Variants in DISC1 observed in about 807,000 individuals in gnomAD.
The protein encoded by DISC1 is disrupted in schizophrenia 1 protein.
DISC1 carries 57 observed loss-of-function variants against 84.5 expected under a neutral mutation model. The observed-to-expected ratio is 0.67, with a 90% confidence interval of 0.55 to 0.84. The LOEUF is 0.84. Ranked by LOEUF, DISC1 falls within the 40% of genes least tolerant of loss-of-function variation. The pLI is 0.00. For missense variants in DISC1, 1,000 were observed against 1,057.8 expected, an observed-to-expected ratio of 0.95 and a Z score of 0.76; for synonymous variants, 411 against 415.2, an observed-to-expected ratio of 0.99 and a Z score of 0.12.
intron 10 of DISC1, among the ~76,000 whole-genome samples, chr1:231,973,260 C>A (rs1472609833): frequency 6.6e-6 from 1 of 152,142 alleles, no homozygotes; most frequent in African/African-American, 2.4e-5. Context: ...ATTGGCCAGG[C>A]TGGTCTCGAA....
chr1:231,911,898 C>A (rs912013894), intron 9 of DISC1, among the ~76,000 whole-genome samples: 1 of 152,168 alleles, frequency 6.6e-6, no homozygotes, highest in Admixed American at 6.5e-5. Context: ...CTCTAAACTT[C>A]TCTTATCGCT....
chr1:231,734,503 GCA>G (rs1283118289), intron 3 of DISC1, among the ~76,000 whole-genome samples: 30 of 150,576 alleles, frequency 2.0e-4, no homozygotes, highest in East Asian at 2.0e-3. Flanking sequence ...TCTCTCTCAC[GCA>G]CACACACACA....
Position 231,822,163 on chromosome 1 carries a change from A to G in DISC1, c.1981+3646A>G, listed in dbSNP as rs1369378643. ...AAACCGACGTCAAGGGGAGAGATTT[A>G]ATCACAGAATAATCAGGACTAGAAT... On this transcript the variant is annotated intron_variant, in intron 9 of 12. Coordinates refer to ENST00000439617, the MANE Select transcript of DISC1 (RefSeq NM_018662.3). Among the ~76,000 whole-genome samples the G allele has an allele frequency of 3.3e-5, 5 of 152,286 alleles. No individual in the cohort carries two copies. The Middle Eastern group carries it at 0.014, about 417-fold the overall frequency.
At chr1:231,668,931 T>C (rs1393722400) in intron 1 of DISC1, among the ~76,000 whole-genome samples, 1 of 152,200 alleles carries the variant, frequency 6.6e-6, no homozygotes, top group African/African-American at 2.4e-5. Context: ...TCAGTGCTCA[T>C]GTGTCCTTTC....
chr1:231,965,075 A>G (rs1458708352), intron 10 of DISC1, among the ~76,000 whole-genome samples: 4 of 152,258 alleles, frequency 2.6e-5, no homozygotes, highest in Non-Finnish European at 5.9e-5. Flanking sequence ...ATATTGAGGC[A>G]AACTCAGGTG....
chr1:231,755,319 G>C (rs1349564482), intron 4 of DISC1, among the ~76,000 whole-genome samples: 1 of 151,938 alleles, frequency 6.6e-6, no homozygotes, highest in Admixed American at 6.6e-5. Flanking sequence ...GGGATTACAG[G>C]CATGAGCCAC....
chr1:231,632,263 G>A (rs1053230586), intron 1 of DISC1, among the ~76,000 whole-genome samples: 1 of 152,178 alleles, frequency 6.6e-6, no homozygotes, highest in Admixed American at 6.5e-5. Context: ...AATAAGTGAT[G>A]CATGACTGTG....
rs898038115 is a variant in DISC1 at position 232,017,596 on chromosome 1, C to T, written c.2307+8547C>T. ...TAGGTATTGCTGATGCCTTATTACA[C>T]AGCCGAAGGAAATAAGGATCTGGGT... On this transcript the variant is annotated intron_variant, in intron 11 of 12. Transcript: ENST00000439617. Among the ~76,000 whole-genome samples the T allele has an allele frequency of 5.3e-5, 8 of 150,890 alleles. 1 individual carries two copies. The highest frequency in any genetic ancestry group is 1.9e-4 in the African/African-American group (8 of 41,072).
At chr1:231,903,646 A>T (rs1231429170) in intron 9 of DISC1, among the ~76,000 whole-genome samples, 1 of 152,068 alleles carries the variant, frequency 6.6e-6, no homozygotes, top group Non-Finnish European at 1.5e-5. Context: ...GTGTGGATTT[A>T]TGGGGAGGGA....
At chr1:231,894,931 A>C (rs532603007) in intron 9 of DISC1, among the ~76,000 whole-genome samples, 1 of 151,852 alleles carries the variant, frequency 6.6e-6, no homozygotes, top group South Asian at 2.1e-4. Flanking sequence ...ACACACACAC[A>C]CCCACACACA....
rs1036128283 is a variant in DISC1, at chr1:231,755,840, C to T, written c.1268+5764C>T. Among the ~76,000 whole-genome samples, 15 of 152,302 alleles carry T rather than the reference C, an allele frequency of 9.8e-5. No individual in the cohort carries two copies. The East Asian group carries it at 1.5e-3, about 16-fold the overall frequency. Reference sequence around the variant, plus strand: ...TTTCCACTCACTTGTCTCACCTGCACGTCAGTGCCTTAGTTCTGGTCTTTA... The same window carrying T: ...TTTCCACTCACTTGTCTCACCTGCATGTCAGTGCCTTAGTTCTGGTCTTTA... On this transcript the variant is annotated intron_variant, in intron 4 of 12. Transcript: ENST00000439617.
chr1:231,664,194 C>T (rs1239580169), intron 1 of DISC1, among the ~76,000 whole-genome samples: 1 of 152,088 alleles, frequency 6.6e-6, no homozygotes, highest in African/African-American at 2.4e-5. Context: ...GCCAAAATTA[C>T]CCAACTCACA....
chr1:231,752,604 ACC>A (rs2074732931), intron 4 of DISC1, among the ~76,000 whole-genome samples: 1 of 152,138 alleles, frequency 6.6e-6, no homozygotes, highest in African/African-American at 2.4e-5. Flanking sequence ...ATATCATTCC[ACC>A]CATGTTCTCC....
At chr1:232,024,935 A>T (rs564293149) in intron 11 of DISC1, among the ~76,000 whole-genome samples, 1 of 152,304 alleles carries the variant, frequency 6.6e-6, no homozygotes, top group South Asian at 2.1e-4. Flanking sequence ...ACTCTTAGTT[A>T]AGGAAATATT....
intron 2 of DISC1, among the ~76,000 whole-genome samples, chr1:231,699,054 C>T (rs139404666): frequency 2.5e-3 from 375 of 152,254 alleles, no homozygotes; most frequent in African/African-American, 8.5e-3. Flanking sequence ...TCATGTTCCA[C>T]AGAGATTTTT....
At chr1:231,665,234 C>T (rs372930571) in intron 1 of DISC1, among the ~76,000 whole-genome samples, 7 of 152,196 alleles carry the variant, frequency 4.6e-5, no homozygotes, top group Admixed American at 2.6e-4. Flanking sequence ...TGATGCTAAC[C>T]GTCTGCACAT....
chr1:232,017,449 T>C (rs1416213504), intron 11 of DISC1, among the ~76,000 whole-genome samples: 1 of 151,886 alleles, frequency 6.6e-6, no homozygotes, highest in African/African-American at 2.4e-5. Flanking sequence ...ATGTAAACAG[T>C]TGGCTTGATG....
At chr1:231,852,352 C>G (rs1038675976) in intron 9 of DISC1, among the ~76,000 whole-genome samples, 53 of 152,030 alleles carry the variant, frequency 3.5e-4, no homozygotes, top group African/African-American at 1.3e-3. Flanking sequence ...TGGAATGCTC[C>G]AAAACTATTC....
chr1:231,720,271 T>C (rs1340450210), intron 3 of DISC1, among the ~76,000 whole-genome samples: 1 of 152,190 alleles, frequency 6.6e-6, no homozygotes, highest in Non-Finnish European at 1.5e-5. Flanking sequence ...GACTTTTCTG[T>C]CTTTGTAAGC....
Sources: allele counts gnomAD v4.1 joint callset (sites outside exome capture counted in the v4.1 genomes callset), GRCh38; gene constraint gnomAD v4.1.1; transcripts MANE v1.5; gene names NCBI Gene and HGNC (gene_info 2026-07-23, HGNC 2026-07-21).